The following CHAT variants were observed in gnomAD, a reference collection of about 807,000 sequenced individuals.
CHAT encodes choline O-acetyltransferase.
In CHAT, 61 loss-of-function variants were observed where a neutral mutation model predicts 76.9. That is an observed-to-expected ratio of 0.79 (90% CI 0.65 to 0.98). The LOEUF is 0.98. Among genes scored for constraint, CHAT ranks in the 50% least tolerant of loss-of-function variants. The pLI is 0.00. For synonymous variants in CHAT, 407 were observed against 397.4 expected, an observed-to-expected ratio of 1.02 and a Z score of -0.29; for missense variants, 946 against 986.9, an observed-to-expected ratio of 0.96 and a Z score of 0.56.
intron 13 of CHAT, among the ~76,000 whole-genome samples, chr10:49,658,727 CA>C (rs1430739751): frequency 2.0e-5 from 3 of 151,986 alleles, no homozygotes; most frequent in Non-Finnish European, 4.4e-5. Context: ...AACAAACAAA[CA>C]AAAACTTGAA....
Position 49,667,454 on chromosome 10 carries a change from T to C in CHAT, c.*2408T>C, listed in dbSNP as rs1840362374. ...ATATCAAACTATGCACTGTGAGGGC[T>C]ATGAGAAGCGCAAACAGTAAACGCT... is the stretch of plus-strand genomic sequence containing the variant. On this transcript the variant is annotated 3_prime_UTR_variant, in exon 15 of 15. Transcript: ENST00000337653. Among the ~76,000 whole-genome samples the C allele has an allele frequency of 1.3e-5, 2 of 152,236 alleles. No individual in the cohort carries two copies.
chr10:49,654,418 CAAGGACTTTA>C (rs2132828082), intron 11 of CHAT, among the ~76,000 whole-genome samples: 1 of 152,386 alleles, frequency 6.6e-6, no homozygotes, highest in Admixed American at 6.5e-5. Context: ...CTCCCAACAT[CAAGGACTTTA>C]CCAAGTGGTG....
At chr10:49,663,400 C>G (rs1840259784) in intron 14 of CHAT, among the ~76,000 whole-genome samples, 1 of 152,174 alleles carries the variant, frequency 6.6e-6, no homozygotes, top group South Asian at 2.1e-4. Flanking sequence ...GCTCTGATGC[C>G]CAGCAGGTCT....
upstream of CHAT, chr10:49,612,568 G>T: frequency 1.8e-6 from 1 of 540,768 alleles, no homozygotes. Flanking sequence ...CGCGCTCCTT[G>T]CGGAGGTGAA....
chr10:49,623,025 A>G (rs752917837), intron 5 of CHAT, among the ~76,000 whole-genome samples: 5 of 152,240 alleles, frequency 3.3e-5, no homozygotes, highest in Non-Finnish European at 7.4e-5. Flanking sequence ...AGGGTGGAGC[A>G]GTTCAGGCTG....
chr10:49,615,867 C>T (rs867578686), intron 1 of CHAT: 5 of 628,146 alleles, frequency 8.0e-6, no homozygotes, highest in South Asian at 3.9e-5. Flanking sequence ...CCTGCAGACC[C>T]GAGACTGCCT....
chr10:49,657,743 TAGA>T (rs1840077238), intron 13 of CHAT, among the ~76,000 whole-genome samples: 1 of 152,132 alleles, frequency 6.6e-6, no homozygotes, highest in African/African-American at 2.4e-5. Context: ...AGCAGGAGAT[TAGA>T]AGATTTCTCT....
chr10:49,616,979 C>G (rs2132703118), intron 2 of CHAT, among the ~76,000 whole-genome samples: 1 of 152,322 alleles, frequency 6.6e-6, no homozygotes, highest in South Asian at 2.1e-4. Context: ...AGTCCCAGCT[C>G]CAGCTGCTAT....
chr10:49,641,027 A>G (rs1839462630), intron 7 of CHAT, among the ~76,000 whole-genome samples: 1 of 152,220 alleles, frequency 6.6e-6, no homozygotes, highest in Non-Finnish European at 1.5e-5. Flanking sequence ...TATTTCTCAC[A>G]GTTTTGGAGG....
chr10:49,654,030 GC>G (rs1839959299), intron 11 of CHAT, among the ~76,000 whole-genome samples: 1 of 152,208 alleles, frequency 6.6e-6, no homozygotes, highest in African/African-American at 2.4e-5. Context: ...CATTCTTCAG[GC>G]TCTAAGCTGT....
chr10:49,663,085 C>A (rs1016132671), intron 14 of CHAT, among the ~76,000 whole-genome samples: 1 of 152,080 alleles, frequency 6.6e-6, no homozygotes, highest in Non-Finnish European at 1.5e-5. Flanking sequence ...TAAAAATTAG[C>A]TGGGCATGGT....
chr10:49,640,056 C>T (rs1839428905), intron 7 of CHAT, among the ~76,000 whole-genome samples: 2 of 151,940 alleles, frequency 1.3e-5, no homozygotes, highest in South Asian at 4.2e-4. Context: ...TATTTTCTTG[C>T]TGAGAATTTG....
At chr10:49,634,651 A>C (rs1006376111) in intron 7 of CHAT, among the ~76,000 whole-genome samples, 3 of 152,010 alleles carry the variant, frequency 2.0e-5, no homozygotes, top group Non-Finnish European at 4.4e-5. Flanking sequence ...CTCGTTTTCC[A>C]TTTTATGTGC....
chr10:49,634,139 A>C (rs11592054), intron 7 of CHAT, among the ~76,000 whole-genome samples: 40,703 of 152,196 alleles, frequency 0.27, 6,985 homozygotes, highest in Non-Finnish European at 0.37. Flanking sequence ...TCCCTCCTTC[A>C]GTAGGAGAAT....
chr10:49,612,591 T>A (rs113382527), upstream of CHAT: 33 of 500,202 alleles, frequency 6.6e-5, no homozygotes, highest in African/African-American at 6.2e-4. Flanking sequence ...GGACCCTGAG[T>A]CCCCACCTGC....
Position 49,622,258 on chromosome 10 carries a change from T to C in CHAT, c.752+108T>C, listed in dbSNP as rs1838757747. ...GCTCTGTATTCCCATTCCTGGCTCC[T>C]GGCACAGAGCAGATGTCCCTGCCCC... On this transcript the variant is annotated intron_variant, in intron 5 of 14. Coordinates refer to ENST00000337653, the MANE Select transcript of CHAT (RefSeq NM_020549.5). The C allele has an allele frequency of 6.6e-6, 8 of 1,214,538 alleles. No homozygotes were observed. The East Asian group carries it at 1.4e-4, about 21-fold the overall frequency. The allele number at this position is 1,214,538 out of a possible 1,614,324, so 75.2% of individuals were successfully genotyped here.
Position 49,664,984 on chromosome 10 carries a change from G to A in CHAT, c.2185G>A (p.Glu729Lys), listed in dbSNP as rs751461280. ...RDLCSLLPPT[E>K]SKPLATKEKA... ...CCTCTGCAGTCTGCTGCCGCCTACT[G>A]AGAGCAAGCCATTGGCAACAAAGGA... The change falls in exon 15 of 15, where the codon GAG becomes AAG. Residue 729 changes from glutamate to lysine, a missense_variant. Glu to Lys is a moderately conservative substitution (Grantham distance 56). Coordinates refer to ENST00000337653, the MANE Select transcript of CHAT (RefSeq NM_020549.5). 20 of 1,614,122 alleles carry A rather than the reference G, an allele frequency of 1.2e-5. No individual in the cohort carries two copies. Among genetic ancestry groups the A allele is most frequent in the African/African-American group, 6.7e-5 (5 of 74,946 alleles).
intron 7 of CHAT, among the ~76,000 whole-genome samples, chr10:49,645,670 G>A (rs1466071164): frequency 6.6e-6 from 1 of 152,312 alleles, no homozygotes; most frequent in East Asian, 1.9e-4. Context: ...TGTGTCCTTG[G>A]TGAAATCACG....
chr10:49,639,579 G>A (rs1411161780), intron 7 of CHAT, among the ~76,000 whole-genome samples: 1 of 146,518 alleles, frequency 6.8e-6, no homozygotes, highest in African/African-American at 2.5e-5. Context: ...ATATGGGTGT[G>A]TGTGTCTATG....
Sources: allele counts gnomAD v4.1 joint callset (sites outside exome capture counted in the v4.1 genomes callset), GRCh38; gene constraint gnomAD v4.1.1; transcripts MANE v1.5; gene names NCBI Gene and HGNC (gene_info 2026-07-23, HGNC 2026-07-21).